The following STK33 variants were observed in gnomAD, a reference collection of about 807,000 sequenced individuals.
STK33 encodes serine/threonine-protein kinase 33.
Under a neutral mutation model 58.0 loss-of-function variants are expected in STK33, and 52 were observed. That is an observed-to-expected ratio of 0.90 (90% confidence interval 0.72 to 1.13). The LOEUF is 1.13. Ranked by LOEUF, STK33 falls within the 50% of genes most tolerant of loss-of-function variation. The probability of loss-of-function intolerance (pLI) is 0.00; values close to 1 mark genes in which losing one functional copy is unlikely to be tolerated. For missense variants in STK33, 630 were observed against 604.2 expected (o/e 1.04, Z -0.45); for synonymous variants, 215 against 200.1 (o/e 1.07, Z -0.63).
intron 15 of STK33, among the ~76,000 whole-genome samples, chr11:8,410,368 C>T (rs1312305310): frequency 6.6e-6 from 1 of 151,976 alleles, no homozygotes; most frequent in Non-Finnish European, 1.5e-5. Context: ...AAAGCAACTG[C>T]TACATGTACT....
intron 1 of STK33, among the ~76,000 whole-genome samples, chr11:8,500,090 A>T (rs1951398903): frequency 6.6e-6 from 1 of 152,068 alleles, no homozygotes; most frequent in Non-Finnish European, 1.5e-5. Context: ...CATAAGTAAC[A>T]TCATACTTAA....
intron 1 of STK33, among the ~76,000 whole-genome samples, chr11:8,511,915 A>G (rs1028807007): frequency 6.6e-6 from 1 of 152,098 alleles, no homozygotes; most frequent in Non-Finnish European, 1.5e-5. Flanking sequence ...CAAAACAGTA[A>G]TATTTTAAAG....
intron 1 of STK33, among the ~76,000 whole-genome samples, chr11:8,483,025 C>G (rs1949943863): frequency 6.6e-6 from 1 of 152,124 alleles, no homozygotes. Context: ...GCCAACGCAC[C>G]CGGCCAGCAG....
intron 1 of STK33, among the ~76,000 whole-genome samples, chr11:8,492,386 A>G (rs989680510): frequency 9.2e-5 from 14 of 152,264 alleles, no homozygotes; most frequent in African/African-American, 3.4e-4. Flanking sequence ...CAATTCAACA[A>G]GAAGAGCTAA....
intron 15 of STK33, among the ~76,000 whole-genome samples, chr11:8,397,845 G>A (rs1434208465): frequency 1.1e-5 from 1 of 91,516 alleles, no homozygotes; most frequent in Middle Eastern, 6.0e-3. Context: ...TCGATCAACT[G>A]GAAGAAACAG....
chr11:8,490,585 T>C (rs1353979431), intron 1 of STK33, among the ~76,000 whole-genome samples: 2 of 152,170 alleles, frequency 1.3e-5, no homozygotes, highest in Non-Finnish European at 1.5e-5. Context: ...AGCATGGTGT[T>C]TGAGCTCTGA....
chr11:8,451,440 C>T (rs992207896), intron 11 of STK33, among the ~76,000 whole-genome samples: 3 of 152,056 alleles, frequency 2.0e-5, no homozygotes, highest in African/African-American at 4.8e-5. Context: ...ACAACATGAA[C>T]GTACCTCAAA....
At chr11:8,360,676 A>C in the STK33 span, among the ~76,000 whole-genome samples, 160 of 152,254 alleles carry the variant, frequency 1.1e-3, no homozygotes, top group Non-Finnish European at 1.9e-3. Flanking sequence ...GGATTTTTCC[A>C]TGCCCTCGGA....
downstream of STK33, among the ~76,000 whole-genome samples, chr11:8,389,147 A>C (rs537380035): frequency 6.6e-6 from 1 of 152,332 alleles, no homozygotes; most frequent in South Asian, 2.1e-4. Context: ...GTTTGGGAAA[A>C]CCCACAAAGG....
At chr11:8,401,047 G>A (rs2135286002) in intron 15 of STK33, among the ~76,000 whole-genome samples, 1 of 152,186 alleles carries the variant, frequency 6.6e-6, no homozygotes, top group East Asian at 1.9e-4. Context: ...TACTACCCAA[G>A]GTAATTTATA....
At chr11:8,534,568 C>G (rs4420252) in intron 1 of STK33, among the ~76,000 whole-genome samples, 61,946 of 103,832 alleles carry the variant, frequency 0.6, 17,431 homozygotes, top group Middle Eastern at 0.66. Flanking sequence ...CTCTCTCTCT[C>G]TGTGTGTGTG....
intron 7 of STK33, among the ~76,000 whole-genome samples, chr11:8,462,438 T>TACAC (rs763733174): frequency 4.2e-4 from 47 of 110,832 alleles, no homozygotes; most frequent in East Asian, 1.4e-3. Flanking sequence ...CATATATACA[T>TACAC]ATATACACAC....
chr11:8,537,124 C>T (rs943297949), intron 1 of STK33, among the ~76,000 whole-genome samples: 1 of 151,172 alleles, frequency 6.6e-6, no homozygotes, highest in Non-Finnish European at 1.5e-5. Context: ...GAATTACAGG[C>T]ACCCGCCACC....
the STK33 span, among the ~76,000 whole-genome samples, chr11:8,339,889 T>C: frequency 6.6e-6 from 1 of 152,166 alleles, no homozygotes; most frequent in African/African-American, 2.4e-5. Flanking sequence ...AGGTGAGTCC[T>C]CACCTCCTCT....
chr11:8,371,729 T>C, the STK33 span, among the ~76,000 whole-genome samples: 2 of 123,754 alleles, frequency 1.6e-5, no homozygotes, highest in Non-Finnish European at 3.7e-5. Flanking sequence ...CCCTCCCTTC[T>C]TCTCTCCCTC....
At chr11:8,502,277 A>C (rs749344963) in intron 1 of STK33, among the ~76,000 whole-genome samples, 1 of 152,138 alleles carries the variant, frequency 6.6e-6, no homozygotes, top group Non-Finnish European at 1.5e-5. Context: ...ATGGTGCTAG[A>C]ACAAATACAG....
intron 15 of STK33, among the ~76,000 whole-genome samples, chr11:8,406,212 T>C (rs899768743): frequency 4.6e-4 from 69 of 151,584 alleles, no homozygotes; most frequent in Middle Eastern, 3.4e-3. Flanking sequence ...AGACTCCCAA[T>C]TTTGTTCTAC....
At chr11:8,383,384 G>A in the STK33 span, among the ~76,000 whole-genome samples, 2 of 152,178 alleles carry the variant, frequency 1.3e-5, no homozygotes, top group Non-Finnish European at 2.9e-5. Context: ...GGTGTTTCCA[G>A]AGTGGAATTC....
chr11:8,388,904 T>G (rs190027571), downstream of STK33, among the ~76,000 whole-genome samples: 901 of 152,334 alleles, frequency 5.9e-3, 8 homozygotes, highest in Non-Finnish European at 8.8e-3. Context: ...CAACCCTTAG[T>G]GACCACCCAG....
Sources: allele counts gnomAD v4.1 joint callset (sites outside exome capture counted in the v4.1 genomes callset), GRCh38; gene constraint gnomAD v4.1.1; transcripts MANE v1.5; gene names NCBI Gene and HGNC (gene_info 2026-07-23, HGNC 2026-07-21).